The following CNTN4 variants were observed in gnomAD, a reference collection of about 807,000 sequenced individuals.
CNTN4 encodes contactin-4.
In CNTN4, 77 loss-of-function variants were observed where a neutral mutation model predicts 122.5. That is an observed-to-expected ratio of 0.63 (90% confidence interval 0.52 to 0.76). The LOEUF (loss-of-function observed/expected upper bound fraction) is 0.76, where lower values mean the gene tolerates loss of function less well. Among genes scored for constraint, CNTN4 ranks in the 30% least tolerant of loss-of-function variants. The probability of loss-of-function intolerance (pLI) is 0.00; values close to 1 mark genes in which losing one functional copy is unlikely to be tolerated. For synonymous variants in CNTN4, 512 were observed against 447.0 expected (o/e 1.15, Z -1.83); for missense variants, 1,256 against 1,259.1 (o/e 1.00, Z 0.04).
At chr3:2,251,996 ATT>A (rs2040397596) in intron 2 of CNTN4, among the ~76,000 whole-genome samples, 2 of 151,930 alleles carry the variant, frequency 1.3e-5, no homozygotes, top group Admixed American at 1.3e-4. Context: ...AATTTTATTT[ATT>A]TTACTTTAGG....
rs371221267 is a variant in CNTN4 at position 2,412,992 on chromosome 3, CTGTTAT to C, written c.-89+73764_-89+73769del. Among the ~76,000 whole-genome samples the C allele has an allele frequency of 1.0e-3, 156 of 152,302 alleles. 1 individual carries two copies. The highest frequency in any genetic ancestry group is 3.6e-3 in the African/African-American group (149 of 41,578). On this transcript the variant is annotated intron_variant, in intron 3 of 24. Transcript: ENST00000418658. ...ACAGTAAGCACTCAATAAATGTTAA[CTGTTAT>C]TGTTCCAAGTATGTACATTATTTTT...
chr3:2,228,269 G>A (rs551572207), intron 2 of CNTN4, among the ~76,000 whole-genome samples: 1 of 151,998 alleles, frequency 6.6e-6, no homozygotes, highest in South Asian at 2.1e-4. Flanking sequence ...CCTAAATGTG[G>A]TTTTTACATT....
intron 2 of CNTN4, among the ~76,000 whole-genome samples, chr3:2,337,735 A>G (rs1030046594): frequency 6.6e-6 from 1 of 152,134 alleles, no homozygotes; most frequent in Non-Finnish European, 1.5e-5. Context: ...GGGTAAATGT[A>G]ATCTCTACCT....
chr3:2,762,667 T>C (rs920798013), intron 6 of CNTN4, among the ~76,000 whole-genome samples: 1 of 152,202 alleles, frequency 6.6e-6, no homozygotes, highest in Admixed American at 6.5e-5. Flanking sequence ...AATAGAATGA[T>C]TTATATTCCT....
intron 6 of CNTN4, among the ~76,000 whole-genome samples, chr3:2,792,014 A>G (rs2092026867): frequency 6.6e-6 from 1 of 152,178 alleles, no homozygotes. Flanking sequence ...TAGGTGCAGC[A>G]AACCACCGTG....
intron 3 of CNTN4, among the ~76,000 whole-genome samples, chr3:2,361,724 T>C (rs2045151651): frequency 6.6e-6 from 1 of 152,198 alleles, no homozygotes; most frequent in Non-Finnish European, 1.5e-5. Context: ...GCTGAAGAAA[T>C]AACTTCTCTT....
chr3:2,101,658 A>G (rs938987635), intron 2 of CNTN4, among the ~76,000 whole-genome samples: 1 of 152,006 alleles, frequency 6.6e-6, no homozygotes, highest in Non-Finnish European at 1.5e-5. Flanking sequence ...GATCTTCATT[A>G]TTATTATTAT....
rs546775498 is a variant in CNTN4 at position 2,277,659 on chromosome 3, TG to T, written c.-144-61517del. 1.1e-4 allele frequency among the ~76,000 whole-genome samples: 16 copies of T among 152,326 alleles called. 1 individual carries two copies. In the East Asian group the frequency reaches 2.9e-3, roughly 28 times the overall value. On this transcript the variant is annotated intron_variant, in intron 2 of 24. Transcript: ENST00000418658. Reference sequence around the variant, plus strand: ...CAGGTTTCCCTCCTGTCTCCATTGTTGGCAGAATTCTCATTCAAGTTAACAT... The same window carrying T: ...CAGGTTTCCCTCCTGTCTCCATTGTTGCAGAATTCTCATTCAAGTTAACAT...
At chr3:2,805,971 G>A (rs892270515) in intron 6 of CNTN4, among the ~76,000 whole-genome samples, 5 of 151,666 alleles carry the variant, frequency 3.3e-5, no homozygotes, top group Admixed American at 6.6e-5. Context: ...GTGAGATGTC[G>A]GCTCACTGCA....
chr3:2,217,077 T>A (rs1352930550), intron 2 of CNTN4, among the ~76,000 whole-genome samples: 1 of 152,202 alleles, frequency 6.6e-6, no homozygotes, highest in Non-Finnish European at 1.5e-5. Context: ...AAATGTAGGA[T>A]GAGACTTTAT....
At chr3:2,747,341 G>A (rs9854890) in intron 6 of CNTN4, among the ~76,000 whole-genome samples, 7,551 of 150,470 alleles carry the variant, frequency 0.05, 684 homozygotes, top group African/African-American at 0.18. Flanking sequence ...CCCGGGAGGC[G>A]GAGCTTGCAG....
chr3:2,948,449 A>G (rs1462193929), intron 13 of CNTN4, among the ~76,000 whole-genome samples: 3 of 152,218 alleles, frequency 2.0e-5, no homozygotes, highest in Non-Finnish European at 4.4e-5. Flanking sequence ...GGTGGTGGTA[A>G]CAGAGAAAGG....
At chr3:2,890,741 C>A (rs574639927) in intron 10 of CNTN4, among the ~76,000 whole-genome samples, 1 of 152,178 alleles carries the variant, frequency 6.6e-6, no homozygotes, top group African/African-American at 2.4e-5. Context: ...TTAAGTTACC[C>A]TGTGCTACTC....
At chr3:2,562,455 C>T (rs2078996923) in intron 3 of CNTN4, among the ~76,000 whole-genome samples, 1 of 152,114 alleles carries the variant, frequency 6.6e-6, no homozygotes, top group Non-Finnish European at 1.5e-5. Context: ...ATATTTAGCT[C>T]CCACTTGTAA....
At chr3:2,790,456 A>G (rs1382528835) in intron 6 of CNTN4, among the ~76,000 whole-genome samples, 1 of 152,202 alleles carries the variant, frequency 6.6e-6, no homozygotes, top group Non-Finnish European at 1.5e-5. Context: ...GCTCCTCAGA[A>G]GGGAAAGGAG....
At chr3:2,725,100 C>T (rs558741423) in intron 4 of CNTN4, among the ~76,000 whole-genome samples, 126 of 152,292 alleles carry the variant, frequency 8.3e-4, no homozygotes, top group African/African-American at 2.8e-3. Context: ...ATGGGAGACA[C>T]TGTTCATTCA....
intron 2 of CNTN4, among the ~76,000 whole-genome samples, chr3:2,298,699 A>G (rs2042398486): frequency 6.6e-6 from 1 of 152,222 alleles, no homozygotes; most frequent in Non-Finnish European, 1.5e-5. Flanking sequence ...TGAAATATAT[A>G]TTCTATAGTT....
chr3:2,884,827 T>G (rs1460086983), intron 9 of CNTN4, among the ~76,000 whole-genome samples: 1 of 152,162 alleles, frequency 6.6e-6, no homozygotes, highest in Non-Finnish European at 1.5e-5. Flanking sequence ...AGTGCTGGAA[T>G]AAAAACAAAA....
chr3:2,326,521 CACACACAA>C (rs202215061), intron 2 of CNTN4, among the ~76,000 whole-genome samples: 15,710 of 136,612 alleles, frequency 0.11, 1,011 homozygotes, highest in Non-Finnish European at 0.16. Context: ...CACACACACA[CACACACAA>C]TCTTACTGAT....
Sources: allele counts gnomAD v4.1 joint callset (sites outside exome capture counted in the v4.1 genomes callset), GRCh38; gene constraint gnomAD v4.1.1; transcripts MANE v1.5; gene names NCBI Gene and HGNC (gene_info 2026-07-23, HGNC 2026-07-21).